Variants in RFWD3 observed in about 807,000 individuals in gnomAD.
RFWD3 encodes the protein E3 ubiquitin-protein ligase RFWD3.
In RFWD3, 65 loss-of-function variants were observed where a neutral mutation model predicts 87.7. That is an observed-to-expected ratio of 0.74 (90% confidence interval 0.61 to 0.91). The LOEUF is 0.91. RFWD3 is among the 40% of genes least tolerant of loss of function. The pLI, the probability that RFWD3 is intolerant of heterozygous loss-of-function variation, is 0.00. For synonymous variants in RFWD3, 433 were observed against 352.8 expected, an observed-to-expected ratio of 1.23 and a Z score of -2.55; for missense variants, 1,078 against 938.5, an observed-to-expected ratio of 1.15 and a Z score of -1.94.
chr16:74,655,471 T>G (rs1345832466), intron 2 of RFWD3, among the ~76,000 whole-genome samples: 1 of 150,638 alleles, frequency 6.6e-6, no homozygotes, highest in Non-Finnish European at 1.5e-5. Context: ...ATGGTCTCGA[T>G]CTCCTGACCT....
At chr16:74,666,571 C>G (rs1326334161) in intron 1 of RFWD3, 1 of 152,288 alleles carries the variant, frequency 6.6e-6, no homozygotes, top group African/African-American at 2.4e-5. Flanking sequence ...CCCCCACGCC[C>G]AGCAACCCAG....
In RFWD3 at chr16:74,623,860, T is replaced by G. The variant is rs948143833; in HGVS notation, c.*68A>C. The G allele has an allele frequency of 6.5e-7, 1 of 1,542,382 alleles. No homozygotes were observed. Among genetic ancestry groups the G allele is most frequent in the Non-Finnish European group, 8.9e-7 (1 of 1,123,918 alleles). On this transcript the variant is annotated 3_prime_UTR_variant, in exon 13 of 13. Transcript: ENST00000361070. The stretch of plus-strand genomic sequence containing the variant: ...TGCAGACAATAAACAGGGATCTTGC[T>G]TGGGGCTGCTAGGCGCTAGCAAACA...
intron 1 of RFWD3, among the ~76,000 whole-genome samples, chr16:74,663,574 A>G (rs571360821): frequency 6.6e-6 from 1 of 152,326 alleles, no homozygotes; most frequent in East Asian, 1.9e-4. Context: ...CGAAGTACAT[A>G]TATGTATCTT....
At position 74,623,976 on chromosome 16, in the gene RFWD3, G is replaced by A; in HGVS notation, c.2277C>T (p.Tyr759=). 1 of 1,614,176 alleles carries A rather than the reference G, an allele frequency of 6.2e-7. No homozygotes were observed. The highest frequency in any genetic ancestry group is 1.1e-5 in the South Asian group (1 of 91,084). Reference sequence around the variant, plus strand: ...CCATCTTCTCTGTTAAGGTAGCCAAGTAGCTGTTACGGTTCACCTCAAATG... The same window carrying A: ...CCATCTTCTCTGTTAAGGTAGCCAAATAGCTGTTACGGTTCACCTCAAATG... ...ICPFEVNRNS[Y]LATLTEKMVH... The change falls in exon 13 of 13, where the codon TAC becomes TAT. Residue 759 remains tyrosine (Y), a synonymous_variant. Transcript: ENST00000361070.
chr16:74,628,022 C>T (rs572392128), intron 11 of RFWD3, among the ~76,000 whole-genome samples: 1 of 152,314 alleles, frequency 6.6e-6, no homozygotes, highest in East Asian at 1.9e-4. Flanking sequence ...TGGCTGGGCA[C>T]ACACAGCCAC....
intron 2 of RFWD3, among the ~76,000 whole-genome samples, chr16:74,659,161 A>G (rs1343592808): frequency 6.6e-6 from 1 of 152,090 alleles, no homozygotes; most frequent in South Asian, 2.1e-4. Context: ...GTCACCCTTA[A>G]GTTGGTTAAT....
chr16:74,637,395 G>A (rs1959236170), intron 7 of RFWD3, among the ~76,000 whole-genome samples: 1 of 152,196 alleles, frequency 6.6e-6, no homozygotes, highest in African/African-American at 2.4e-5. Context: ...GGGAAGCCAA[G>A]GCAGGCGGAT....
intron 6 of RFWD3, among the ~76,000 whole-genome samples, chr16:74,643,589 T>C (rs1347057202): frequency 6.6e-6 from 1 of 152,028 alleles, no homozygotes; most frequent in Admixed American, 6.6e-5. Flanking sequence ...TGTGAACCCA[T>C]GTCACTGTAC....
chr16:74,666,258 T>G (rs1273117264), intron 1 of RFWD3: 1 of 152,240 alleles, frequency 6.6e-6, no homozygotes, highest in African/African-American at 2.4e-5. Context: ...CCCTGTTCTT[T>G]TACTACATGG....
At chr16:74,631,352 A>T (rs1959087932) in intron 9 of RFWD3, among the ~76,000 whole-genome samples, 1 of 152,010 alleles carries the variant, frequency 6.6e-6, no homozygotes, top group East Asian at 1.9e-4. Flanking sequence ...TGCACCTGTA[A>T]TCCCAGCTAC....
intron 4 of RFWD3, among the ~76,000 whole-genome samples, chr16:74,647,628 G>A (rs538284753): frequency 2.6e-5 from 4 of 151,754 alleles, no homozygotes; most frequent in East Asian, 2.0e-4. Context: ...GTCGTGCTCC[G>A]TCTCCCAAGC....
chr16:74,649,640 CAAT>C (rs1224445177), intron 3 of RFWD3, among the ~76,000 whole-genome samples: 4 of 152,122 alleles, frequency 2.6e-5, no homozygotes, highest in African/African-American at 4.8e-5. Flanking sequence ...ACAATATTAA[CAAT>C]AATCCTCCAA....
At chr16:74,625,072 C>A (rs1004924103) in intron 12 of RFWD3, among the ~76,000 whole-genome samples, 5 of 152,016 alleles carry the variant, frequency 3.3e-5, no homozygotes, top group African/African-American at 9.7e-5. Flanking sequence ...TGGTGGCACA[C>A]ACCCATAGTT....
At chr16:74,633,129 T>A in intron 8 of RFWD3, among the ~76,000 whole-genome samples, 1 of 151,808 alleles carries the variant, frequency 6.6e-6, no homozygotes, top group Admixed American at 6.6e-5. Flanking sequence ...CACAAAAAAT[T>A]AGCCAGGCGT....
intron 2 of RFWD3, 150 bp from the exon 3 acceptor site, chr16:74,652,272 A>T: frequency 1.5e-6 from 1 of 656,710 alleles, no homozygotes; most frequent in South Asian, 2.0e-5. Context: ...ATAGCAGATA[A>T]GGGGGGGAGA....
At chr16:74,631,810 G>A (rs1161968208) in intron 9 of RFWD3, among the ~76,000 whole-genome samples, 3 of 151,930 alleles carry the variant, frequency 2.0e-5, no homozygotes, top group Admixed American at 6.6e-5. Context: ...CTTTAAAGAC[G>A]GGGTTTCACC....
rs778635619 is a variant in RFWD3 at position 74,632,681 on chromosome 16, A to G, written c.1427-8T>C. 120 of 1,613,596 alleles carry G rather than the reference A, an allele frequency of 7.4e-5. No homozygotes were observed. The highest frequency in any genetic ancestry group is 9.0e-5 in the Non-Finnish European group (106 of 1,179,730). Reference sequence around the variant, plus strand: ...ACATCTTAACACCAAAGCCTGAAAAAGGCAAAATAGTATGAAATAGATCAC... The same window carrying G: ...ACATCTTAACACCAAAGCCTGAAAAGGGCAAAATAGTATGAAATAGATCAC... On this transcript the variant is annotated splice_polypyrimidine_tract_variant and splice_region_variant and intron_variant, in intron 8 of 12. Coordinates refer to ENST00000361070, the MANE Select transcript of RFWD3 (RefSeq NM_018124.4).
rs1185484539 is a variant in RFWD3 at position 74,661,383 on chromosome 16, G to A, written c.67C>T (p.Pro23Ser). The A allele has an allele frequency of 1.2e-6, 2 of 1,613,750 alleles. No individual in the cohort carries two copies. Among genetic ancestry groups the A allele is most frequent in the African/African-American group, 1.3e-5 (1 of 74,922 alleles). Residue 23 changes from proline to serine, a missense_variant, in exon 2 of 13, where the codon CCT becomes TCT. Pro to Ser is a moderately conservative substitution (Grantham distance 74). Transcript: ENST00000361070. ...CCTTGGCTGCTGGCCATGCCAGCAG[G>A]AGCTGGCTGTTGTTCGGCATGATTT... ...QLNHAEQQPAPAGMASSQGGP... is the reference protein window; with the variant it reads ...QLNHAEQQPASAGMASSQGGP...
intron 1 of RFWD3, among the ~76,000 whole-genome samples, chr16:74,666,042 G>C (rs1023569072): frequency 2.0e-5 from 3 of 151,956 alleles, no homozygotes; most frequent in Admixed American, 2.0e-4. Context: ...GGGAGGAAGA[G>C]AGAGGGAGAG....
Sources: allele counts gnomAD v4.1 joint callset (sites outside exome capture counted in the v4.1 genomes callset), GRCh38; gene constraint gnomAD v4.1.1; transcripts MANE v1.5; gene names NCBI Gene and HGNC (gene_info 2026-07-23, HGNC 2026-07-21).